Variants in DOCK4 observed in about 807,000 individuals in gnomAD.
DOCK4 encodes the protein dedicator of cytokinesis 4.
DOCK4 carries 97 observed loss-of-function variants against 268.1 expected under a neutral mutation model. The ratio of observed to expected loss-of-function variants is 0.36; its 90% CI spans 0.31 to 0.43. DOCK4 has a LOEUF of 0.43. Among genes scored for constraint, DOCK4 ranks in the 20% least tolerant of loss-of-function variants. The probability of loss-of-function intolerance (pLI) is 1.00; values close to 1 mark genes in which losing one functional copy is unlikely to be tolerated. For synonymous variants in DOCK4, 954 were observed against 887.2 expected, an observed-to-expected ratio of 1.08 and a Z score of -1.34; for missense variants, 2,145 against 2,455.7, an observed-to-expected ratio of 0.87 and a Z score of 2.67.
chr7:112,193,191 T>C (rs1820130595), intron 1 of DOCK4, among the ~76,000 whole-genome samples: 1 of 152,190 alleles, frequency 6.6e-6, no homozygotes, highest in Non-Finnish European at 1.5e-5. Context: ...TTGGTTGCTT[T>C]GAAGGCACCC....
chr7:112,053,974 G>C (rs2135563370), intron 1 of DOCK4, among the ~76,000 whole-genome samples: 1 of 152,140 alleles, frequency 6.6e-6, no homozygotes, highest in South Asian at 2.1e-4. Context: ...TAAAGTCTCT[G>C]GGCATTTCTT....
intron 2 of DOCK4, among the ~76,000 whole-genome samples, chr7:112,000,930 A>G (rs536456337): frequency 8.8e-4 from 134 of 152,308 alleles, no homozygotes; most frequent in African/African-American, 3.0e-3. Context: ...GGGAAAGTCA[A>G]GAATCTGCAC....
chr7:112,194,997 G>A (rs1820290585), intron 1 of DOCK4, among the ~76,000 whole-genome samples: 1 of 152,138 alleles, frequency 6.6e-6, no homozygotes, highest in African/African-American at 2.4e-5. Flanking sequence ...ACAAACTGGA[G>A]GCTGGGCGCA....
In DOCK4 at chr7:111,728,159, C is replaced by T; in HGVS notation, c.*115G>A. 2 of 755,682 alleles carry T rather than the reference C, an allele frequency of 2.6e-6. No individual in the cohort carries two copies. Among genetic ancestry groups the T allele is most frequent in the Non-Finnish European group, 3.7e-6 (2 of 540,004 alleles). The allele number at this position is 755,682 out of a possible 1,614,324, so 46.8% of individuals were successfully genotyped here. On this transcript the variant is annotated 3_prime_UTR_variant, in exon 53 of 53. Coordinates refer to ENST00000428084, the MANE Select transcript of DOCK4 (RefSeq NM_001363540.2). ...ATATTTAATAAGCAAGTTTTAATTC[C>T]ATTCATCGAAGGAGCTGAGTAAGTT...
intron 13 of DOCK4, among the ~76,000 whole-genome samples, chr7:111,904,833 C>T (rs750635373): frequency 2.0e-5 from 3 of 152,142 alleles, no homozygotes; most frequent in Non-Finnish European, 4.4e-5. Flanking sequence ...GACAACACTA[C>T]TTTGTTATAT....
In DOCK4 at chr7:111,994,231, T is replaced by C. The variant is rs1382834935; in HGVS notation, c.219A>G (p.Gly73=). ...HLKNACVKNK[G]QFEMVIPTED... ...CAGTGGGAATAACCATTTCAAATTG[T>C]CTGTGAAATTAAAAAAGAAAAAGTA... is the stretch of plus-strand genomic sequence containing the variant. Residue 73 remains glycine, a splice_region_variant and synonymous_variant, in exon 5 of 53, where the codon GGA becomes GGG. Coordinates refer to ENST00000428084, the MANE Select transcript of DOCK4 (RefSeq NM_001363540.2). 3 of 1,570,478 alleles carry C rather than the reference T, an allele frequency of 1.9e-6. No individual in the cohort carries two copies. Among genetic ancestry groups the C allele is most frequent in the East Asian group, 2.3e-5 (1 of 44,438 alleles).
chr7:111,782,700 T>G (rs1798862581), intron 35 of DOCK4, among the ~76,000 whole-genome samples, 164 bp downstream of exon 35: 1 of 152,188 alleles, frequency 6.6e-6, no homozygotes, highest in South Asian at 2.1e-4. Context: ...GACTTTAATT[T>G]AACCTGCAGC....
chr7:111,927,570 C>T (rs1298682350), intron 12 of DOCK4, among the ~76,000 whole-genome samples: 5 of 152,156 alleles, frequency 3.3e-5, no homozygotes, highest in Admixed American at 3.3e-4. Flanking sequence ...AGTTTCCATT[C>T]TTATTCTGAT....
intron 22 of DOCK4, among the ~76,000 whole-genome samples, chr7:111,866,657 T>C (rs1287207123): frequency 6.6e-6 from 1 of 151,998 alleles, no homozygotes; most frequent in Non-Finnish European, 1.5e-5. Flanking sequence ...ACCTCCAGGA[T>C]CCAGTGGTAC....
intron 26 of DOCK4, among the ~76,000 whole-genome samples, chr7:111,826,896 A>AT (rs201212121): frequency 6.6e-6 from 1 of 152,080 alleles, no homozygotes; most frequent in Non-Finnish European, 1.5e-5. Context: ...TAAAATCTAT[A>AT]TTTTTTTAAA....
chr7:112,127,353 T>C (rs538182840), intron 1 of DOCK4, among the ~76,000 whole-genome samples: 8 of 137,504 alleles, frequency 5.8e-5, no homozygotes, highest in Non-Finnish European at 1.1e-4. Context: ...AGGTGGGAAC[T>C]GAACAATGAG....
At chr7:111,898,848 T>C (rs1032712117) in intron 15 of DOCK4, among the ~76,000 whole-genome samples, 17 of 152,228 alleles carry the variant, frequency 1.1e-4, no homozygotes, top group South Asian at 4.1e-4. Context: ...AGAGATCCAA[T>C]AGATTTTACT....
chr7:111,974,072 G>A (rs1325787867), intron 8 of DOCK4, among the ~76,000 whole-genome samples: 2 of 152,066 alleles, frequency 1.3e-5, no homozygotes, highest in African/African-American at 4.8e-5. Context: ...AAAAATAGAA[G>A]GAAGTAAAGG....
intron 13 of DOCK4, among the ~76,000 whole-genome samples, chr7:111,904,716 G>C (rs73205395): frequency 0.029 from 4,426 of 152,178 alleles, 100 homozygotes; most frequent in Non-Finnish European, 0.046. Context: ...CTACTGCTAT[G>C]GTGTGTGACA....
In DOCK4 at chr7:111,844,752, T is replaced by C. The variant is rs1803958420; in HGVS notation, c.2736+11A>G. The C allele has an allele frequency of 1.2e-6, 2 of 1,611,316 alleles. No homozygotes were observed. The highest frequency in any genetic ancestry group is 1.1e-5 in the South Asian group (1 of 90,506). On this transcript the variant is annotated intron_variant, in intron 25 of 52. Transcript: ENST00000428084. The stretch of plus-strand genomic sequence containing the variant: ...GCCCTGTTCCACGTGCCATCTGCTC[T>C]ATGATCTTACAGTGACATCCTGGAA...
intron 1 of DOCK4, among the ~76,000 whole-genome samples, chr7:112,102,554 G>C (rs1484993125): frequency 1.3e-5 from 2 of 152,176 alleles, no homozygotes; most frequent in Admixed American, 1.3e-4. Flanking sequence ...CGTCAGGAAT[G>C]AGATGAATGC....
At chr7:111,861,755 A>AT (rs1333050464) in intron 23 of DOCK4, among the ~76,000 whole-genome samples, 3 of 142,750 alleles carry the variant, frequency 2.1e-5, no homozygotes, top group African/African-American at 7.9e-5. Flanking sequence ...CAAAAAAAAA[A>AT]AAAAATAATA....
intron 12 of DOCK4, among the ~76,000 whole-genome samples, chr7:111,928,852 G>T (rs1420860625): frequency 6.6e-6 from 1 of 152,118 alleles, no homozygotes; most frequent in East Asian, 1.9e-4. Context: ...GCCTCCCAAA[G>T]TACTGGGATT....
intron 1 of DOCK4, among the ~76,000 whole-genome samples, chr7:112,061,639 C>T (rs1359360825): frequency 6.6e-6 from 1 of 152,028 alleles, no homozygotes; most frequent in African/African-American, 2.4e-5. Context: ...TAAACACACC[C>T]AATTTTTCCT....
Sources: gnomAD v4.1 joint callset for allele counts (sites outside exome capture counted in the v4.1 genomes callset) on GRCh38, gnomAD v4.1.1 for gene constraint, MANE v1.5 for transcripts, NCBI Gene and HGNC (gene_info 2026-07-23, HGNC 2026-07-21) for gene names.